DAB1: variants seen among roughly 807,000 people sequenced by gnomAD.
The protein encoded by DAB1 is DAB adaptor protein 1.
A neutral mutation model predicts 64.6 loss-of-function variants in DAB1; 15 were observed. That is an observed-to-expected ratio of 0.23 (90% CI 0.16 to 0.36). The LOEUF is 0.36. DAB1 is among the 10% of genes least tolerant of loss of function. The pLI is 1.00. For missense variants in DAB1, 596 were observed against 706.7 expected, an observed-to-expected ratio of 0.84 and a Z score of 1.78; for synonymous variants, 235 against 251.9, an observed-to-expected ratio of 0.93 and a Z score of 0.64.
In DAB1 at chr1:57,850,506, A is replaced by G. The variant is rs565324058; in HGVS notation, n.88-24051T>C. ...GAAACCATTTATTATATAACTTGAT[A>G]GCTTACATAATTAGTGCCTAAGAAA... On this transcript the variant is annotated intron_variant and non_coding_transcript_variant, in intron 1 of 1. Coordinates refer to the DAB1 transcript ENST00000477280. 2.6e-5 allele frequency among the ~76,000 whole-genome samples: 4 copies of G among 151,286 alleles called. No homozygotes were observed. In the East Asian group the frequency reaches 7.8e-4, roughly 30 times the overall value.
intron 7 of DAB1, among the ~76,000 whole-genome samples, chr1:57,566,906 A>C (rs1346404621): frequency 6.6e-6 from 1 of 152,150 alleles, no homozygotes; most frequent in Non-Finnish European, 1.5e-5. Flanking sequence ...AAAAGAGGGA[A>C]TCCTCCCTAA....
intron 2 of DAB1, among the ~76,000 whole-genome samples, chr1:58,521,852 T>C (rs1449950837): frequency 3.9e-5 from 6 of 152,124 alleles, no homozygotes. Context: ...ATATAGCTAA[T>C]CTTACAAAAA....
chr1:57,581,691 C>T (rs1463596229), intron 7 of DAB1, among the ~76,000 whole-genome samples: 1 of 147,816 alleles, frequency 6.8e-6, no homozygotes. Context: ...TATTATATAA[C>T]ATATACTATA....
At chr1:57,996,947 G>C (rs1328879450) in intron 5 of DAB1, among the ~76,000 whole-genome samples, 2 of 152,258 alleles carry the variant, frequency 1.3e-5, no homozygotes, top group Middle Eastern at 3.4e-3. Context: ...CATGAGCAGA[G>C]CAGGATAGAG....
intron 1 of DAB1, among the ~76,000 whole-genome samples, chr1:58,540,040 A>C (rs1646581641): frequency 6.6e-6 from 1 of 152,122 alleles, no homozygotes; most frequent in African/African-American, 2.4e-5. Flanking sequence ...GGAAAGGGCC[A>C]CCTGAAAAGA....
At chr1:58,317,911 T>C (rs1199454638) in intron 4 of DAB1, among the ~76,000 whole-genome samples, 1 of 152,252 alleles carries the variant, frequency 6.6e-6, no homozygotes, top group Non-Finnish European at 1.5e-5. Flanking sequence ...TATATCTCTC[T>C]AGACAGTGAG....
intron 2 of DAB1, among the ~76,000 whole-genome samples, chr1:57,164,875 TGA>T (rs1661083313): frequency 1.3e-5 from 2 of 152,144 alleles, no homozygotes; most frequent in Non-Finnish European, 2.9e-5. Flanking sequence ...CTACTCAGGT[TGA>T]TTTGTTACTT....
At chr1:58,487,011 G>A (rs568466868) in intron 3 of DAB1, among the ~76,000 whole-genome samples, 3 of 152,270 alleles carry the variant, frequency 2.0e-5, no homozygotes, top group African/African-American at 4.8e-5. Flanking sequence ...GCCACTAGAG[G>A]GTTTTAACCA....
chr1:57,319,860 C>T (rs1367555996), intron 1 of DAB1, among the ~76,000 whole-genome samples: 2 of 152,110 alleles, frequency 1.3e-5, no homozygotes, highest in Admixed American at 6.5e-5. Flanking sequence ...TCTTATCATC[C>T]TGGCTGCCCT....
At chr1:57,411,778 C>CA (rs990004757) in intron 1 of DAB1, among the ~76,000 whole-genome samples, 1 of 152,200 alleles carries the variant, frequency 6.6e-6, no homozygotes, top group Non-Finnish European at 1.5e-5. Context: ...CAAAGGAGGG[C>CA]AGTGACCTGT....
At chr1:57,899,613 C>T (rs1644442912) in intron 5 of DAB1, among the ~76,000 whole-genome samples, 1 of 152,034 alleles carries the variant, frequency 6.6e-6, no homozygotes, top group Admixed American at 6.6e-5. Context: ...ATCACCTCTG[C>T]CACCACTCAC....
At chr1:57,456,501 A>G (rs1686597988) in intron 7 of DAB1, among the ~76,000 whole-genome samples, 1 of 152,300 alleles carries the variant, frequency 6.6e-6, no homozygotes, top group East Asian at 1.9e-4. Context: ...ATAGATTTGC[A>G]TTTATACTCA....
chr1:58,170,806 C>A (rs187419552), intron 4 of DAB1, among the ~76,000 whole-genome samples: 7 of 152,202 alleles, frequency 4.6e-5, no homozygotes, highest in Admixed American at 1.3e-4. Flanking sequence ...GGCCAGAAGC[C>A]CCCAACCAGA....
intron 14 of DAB1, among the ~76,000 whole-genome samples, chr1:57,010,296 A>G (rs1163667089): frequency 6.6e-6 from 1 of 152,180 alleles, no homozygotes; most frequent in Non-Finnish European, 1.5e-5. Flanking sequence ...GCTAAGTAGC[A>G]TGGACCATGC....
chr1:57,199,722 C>T (rs1664935216), intron 2 of DAB1, among the ~76,000 whole-genome samples: 1 of 152,134 alleles, frequency 6.6e-6, no homozygotes, highest in Admixed American at 6.5e-5. Flanking sequence ...AGTCCGAGGC[C>T]CAACTGCAAC....
chr1:57,313,327 C>T (rs1403513605), intron 1 of DAB1, among the ~76,000 whole-genome samples: 1 of 152,138 alleles, frequency 6.6e-6, no homozygotes, highest in Admixed American at 6.5e-5. Flanking sequence ...AGTCAGGGGA[C>T]CTGAGCACTG....
intron 4 of DAB1, among the ~76,000 whole-genome samples, chr1:57,119,333 T>C (rs1656428669): frequency 6.6e-6 from 1 of 152,124 alleles, no homozygotes. Flanking sequence ...TTGGCTATCA[T>C]TTTTTTAATG....
At chr1:58,429,304 A>G (rs1644847989) in intron 3 of DAB1, among the ~76,000 whole-genome samples, 2 of 152,216 alleles carry the variant, frequency 1.3e-5, no homozygotes, top group South Asian at 4.1e-4. Context: ...AAGGGCAACA[A>G]AAGTTATAAG....
At chr1:57,243,130 G>A (rs911481192) in intron 2 of DAB1, among the ~76,000 whole-genome samples, 1 of 152,170 alleles carries the variant, frequency 6.6e-6, no homozygotes, top group Non-Finnish European at 1.5e-5. Context: ...CCTGTTAACA[G>A]CACTAATTAT....
Sources: gnomAD v4.1 joint callset for allele counts (sites outside exome capture counted in the v4.1 genomes callset) on GRCh38, gnomAD v4.1.1 for gene constraint, MANE v1.5 for transcripts, NCBI Gene and HGNC (gene_info 2026-07-23, HGNC 2026-07-21) for gene names.